Variants in ZNF521 observed in about 807,000 individuals in gnomAD.
ZNF521 encodes the protein LYST-interacting protein 3.
Under a neutral mutation model 105.5 loss-of-function variants are expected in ZNF521, and 14 were observed. That is an observed-to-expected ratio of 0.13 (90% CI 0.09 to 0.21). ZNF521 has a LOEUF of 0.21. ZNF521 is among the 10% of genes least tolerant of loss of function. ZNF521 has a pLI of 1.00. For missense variants in ZNF521, 1,233 were observed against 1,629.7 expected (o/e 0.76, Z 4.19); for synonymous variants, 635 against 606.0 (o/e 1.05, Z -0.70).
chr18:25,170,856 T>C (rs1247862192), intron 5 of ZNF521, among the ~76,000 whole-genome samples: 3 of 152,142 alleles, frequency 2.0e-5, no homozygotes, highest in African/African-American at 7.2e-5. Flanking sequence ...TATTTTGGCA[T>C]TTGCATTTAT....
intron 5 of ZNF521, among the ~76,000 whole-genome samples, chr18:25,167,866 G>A (rs2035374200): frequency 6.6e-6 from 1 of 152,150 alleles, no homozygotes; most frequent in African/African-American, 2.4e-5. Flanking sequence ...GTATGATTCT[G>A]TGTGAATAAA....
chr18:25,206,222 G>A (rs529274609), intron 4 of ZNF521, among the ~76,000 whole-genome samples: 3 of 152,088 alleles, frequency 2.0e-5, no homozygotes, highest in Non-Finnish European at 2.9e-5. Context: ...TGGCCAGGCT[G>A]GTCTCGAACT....
chr18:25,113,793 C>CACACACACACACACACACAGAG (rs1053377440), intron 5 of ZNF521, among the ~76,000 whole-genome samples: 6 of 147,864 alleles, frequency 4.1e-5, no homozygotes, highest in Non-Finnish European at 9.1e-5. Context: ...CACACACACA[C>CACACACACACACACACACAGAG]AGAGACGGGG....
chr18:25,329,685 C>A (rs1311996548), intron 2 of ZNF521, among the ~76,000 whole-genome samples: 3 of 152,158 alleles, frequency 2.0e-5, no homozygotes, highest in African/African-American at 7.2e-5. Flanking sequence ...CGAAGGAACT[C>A]CTGTGAGTGT....
intron 3 of ZNF521, among the ~76,000 whole-genome samples, chr18:25,240,818 C>G (rs1907269400): frequency 6.6e-6 from 1 of 152,020 alleles, no homozygotes; most frequent in South Asian, 2.1e-4. Flanking sequence ...CCCATGGAAG[C>G]TGGTCTAAAA....
chr18:25,273,069 A>G (rs1163511547), intron 3 of ZNF521, among the ~76,000 whole-genome samples: 1 of 151,580 alleles, frequency 6.6e-6, no homozygotes, highest in East Asian at 1.9e-4. Context: ...TCTACAAAAA[A>G]TAAAAAATTT....
intron 2 of ZNF521, among the ~76,000 whole-genome samples, chr18:25,328,402 AACACACACACACACACACACAC>A (rs57967888): frequency 2.1e-5 from 3 of 141,766 alleles, no homozygotes; most frequent in Non-Finnish European, 4.6e-5. Context: ...GGGGAGGTTA[AACACACACACACACACACACAC>A]ACACACACAC....
intron 5 of ZNF521, among the ~76,000 whole-genome samples, chr18:25,140,191 C>T (rs1338046026): frequency 6.6e-6 from 1 of 152,172 alleles, no homozygotes; most frequent in African/African-American, 2.4e-5. Flanking sequence ...TTTCTATCTA[C>T]TCCTGAATGA....
In ZNF521 at chr18:25,273,151, C is replaced by A. The variant is rs1019703252; in HGVS notation, c.221-45454G>T. On this transcript the variant is annotated intron_variant, in intron 3 of 7. Transcript: ENST00000361524. ...CTAAGGCAGGAGAATCACTTGAGCCCAGGATACGAAGGTTGCAGTGAGCCG... is the reference window on the plus strand; with the variant it reads ...CTAAGGCAGGAGAATCACTTGAGCCAAGGATACGAAGGTTGCAGTGAGCCG... 9.8e-5 allele frequency among the ~76,000 whole-genome samples: 13 copies of A among 132,266 alleles called. 1 individual carries two copies. The highest frequency in any genetic ancestry group is 3.7e-4 in the African/African-American group (13 of 35,394). 86.8% of individuals were successfully genotyped at this position (132,266 alleles called of 152,430 possible).
intron 4 of ZNF521, among the ~76,000 whole-genome samples, chr18:25,206,633 C>A (rs1351904295): frequency 6.6e-6 from 1 of 151,980 alleles, no homozygotes; most frequent in Non-Finnish European, 1.5e-5. Context: ...TTTATCTCCG[C>A]TGAGATATTT....
chr18:25,132,247 T>C (rs1352185779), intron 5 of ZNF521, among the ~76,000 whole-genome samples: 1 of 152,204 alleles, frequency 6.6e-6, no homozygotes, highest in Non-Finnish European at 1.5e-5. Context: ...CAACAAAGAA[T>C]CCTACATTTC....
At chr18:25,263,328 GA>G (rs553238795) in intron 3 of ZNF521, among the ~76,000 whole-genome samples, 3 of 146,858 alleles carry the variant, frequency 2.0e-5, no homozygotes, top group East Asian at 2.0e-4. Flanking sequence ...TCTGATTGAT[GA>G]AAAAAAAAAG....
At chr18:25,112,969 T>C (rs1385459557) in intron 5 of ZNF521, among the ~76,000 whole-genome samples, 1 of 151,598 alleles carries the variant, frequency 6.6e-6, no homozygotes, top group African/African-American at 2.4e-5. Flanking sequence ...TGCTTAATTA[T>C]GCAGATTTTT....
chr18:25,262,464 A>G (rs1908975156), intron 3 of ZNF521, among the ~76,000 whole-genome samples: 1 of 152,228 alleles, frequency 6.6e-6, no homozygotes, highest in Non-Finnish European at 1.5e-5. Flanking sequence ...GTACAAAAAC[A>G]TCTGGGAAGA....
At chr18:25,070,463 ACCAT>A (rs2033190988) in intron 7 of ZNF521, among the ~76,000 whole-genome samples, 1 of 152,126 alleles carries the variant, frequency 6.6e-6, no homozygotes, top group African/African-American at 2.4e-5. Flanking sequence ...AACCTAGAAG[ACCAT>A]CCAGTACACC....
chr18:25,127,043 C>A (rs908635911), intron 5 of ZNF521, among the ~76,000 whole-genome samples: 1 of 151,788 alleles, frequency 6.6e-6, no homozygotes, highest in Non-Finnish European at 1.5e-5. Context: ...ACAAATGTTG[C>A]AAAGCTATAC....
rs569150564 is a variant in ZNF521, at chr18:25,206,249, C to T, written c.3574-11005G>A. Among the ~76,000 whole-genome samples, 7 of 152,212 alleles carry T rather than the reference C, an allele frequency of 4.6e-5. No individual in the cohort carries two copies. The East Asian group carries it at 9.7e-4, about 21-fold the overall frequency. On this transcript the variant is annotated intron_variant, in intron 4 of 7. Coordinates refer to ENST00000361524, the MANE Select transcript of ZNF521 (RefSeq NM_015461.3). ...TCTCGAACTCCTGGCCTCAAGTGAT[C>T]CGCCCACTTTGGCCTCTCAAAGTGC...
rs74785759 is a variant in ZNF521 at position 25,086,139 on chromosome 18, G to C, written c.3906+3326C>G. On this transcript the variant is annotated intron_variant, in intron 7 of 7. Transcript: ENST00000361524. ...GCACACCAAGGCATGAACTACAGTG[G>C]CTGATAAAATGGCTTCATTTTTCTA... 7.6e-4 allele frequency among the ~76,000 whole-genome samples: 115 copies of C among 152,146 alleles called. 2 individuals carry two copies. The East Asian group carries it at 0.02, about 27-fold the overall frequency.
At chr18:25,342,428 T>TTTGC (rs1914252071) in intron 2 of ZNF521, among the ~76,000 whole-genome samples, 1 of 150,444 alleles carries the variant, frequency 6.6e-6, no homozygotes, top group Admixed American at 6.6e-5. Flanking sequence ...TGTTTGTTTG[T>TTTGC]TTGTTTTTTT....
Sources: gnomAD v4.1 joint callset for allele counts (sites outside exome capture counted in the v4.1 genomes callset) on GRCh38, gnomAD v4.1.1 for gene constraint, MANE v1.5 for transcripts, NCBI Gene and HGNC (gene_info 2026-07-23, HGNC 2026-07-21) for gene names.